The following GARNL3 variants were observed in gnomAD, a reference collection of about 807,000 sequenced individuals.
The protein encoded by GARNL3 is GTPase activating Rap/RanGAP domain like 3.
In GARNL3, 63 loss-of-function variants were observed where a neutral mutation model predicts 125.0. The observed-to-expected ratio is 0.50, with a 90% confidence interval of 0.41 to 0.62. The LOEUF (loss-of-function observed/expected upper bound fraction) is 0.62, where lower values mean the gene tolerates loss of function less well. Ranked by LOEUF, GARNL3 falls within the 20% of genes least tolerant of loss-of-function variation. The probability of loss-of-function intolerance (pLI) is 0.00; values close to 1 mark genes in which losing one functional copy is unlikely to be tolerated. For synonymous variants in GARNL3, 439 were observed against 457.5 expected (o/e 0.96, Z 0.52); for missense variants, 994 against 1,244.0 (o/e 0.80, Z 3.02).
At chr9:127,245,561 G>C (rs1269282159) in intron 2 of GARNL3, 1 of 152,252 alleles carries the variant, frequency 6.6e-6, no homozygotes, top group Admixed American at 6.5e-5. Context: ...TTAGGGACCG[G>C]ACTTGAAACC....
intron 2 of GARNL3, among the ~76,000 whole-genome samples, chr9:127,256,793 T>C (rs2063502857): frequency 1.3e-5 from 2 of 152,226 alleles, no homozygotes; most frequent in Non-Finnish European, 2.9e-5. Context: ...ATAGTAACTA[T>C]AGTACTGTAT....
intron 2 of GARNL3, among the ~76,000 whole-genome samples, chr9:127,256,410 G>A (rs887351180): frequency 5.9e-5 from 9 of 152,184 alleles, no homozygotes; most frequent in Admixed American, 2.0e-4. Context: ...TGCTACTGAC[G>A]AAGGGGATAA....
chr9:127,238,069 C>T (rs961165686), intron 1 of GARNL3, among the ~76,000 whole-genome samples: 3 of 152,222 alleles, frequency 2.0e-5, no homozygotes, highest in Non-Finnish European at 4.4e-5. Context: ...ATCAACCTGA[C>T]ATGTTCTCCC....
intron 1 of GARNL3, chr9:127,224,811 GGTGGGCGTTTT>G (rs2062868147): frequency 6.6e-6 from 1 of 151,272 alleles, no homozygotes. Flanking sequence ...TCGAGGTTAG[GGTGGGCGTTTT>G]GGGCCTGTGG....
In GARNL3 at chr9:127,320,795, T is replaced by C; in HGVS notation, c.567+17T>C. The C allele has an allele frequency of 1.3e-6, 2 of 1,519,828 alleles. No individual in the cohort carries two copies. The highest frequency in any genetic ancestry group is 1.8e-6 in the Non-Finnish European group (2 of 1,094,548). 94.1% of individuals were successfully genotyped at this position (1,519,828 alleles called of 1,614,324 possible). A position where few individuals can be genotyped will look rare whatever the true frequency, so the allele number is the denominator to read the frequency against. ...ATACAAAAGGTAACAGAAAATTTTA[T>C]GCTTCATAATTGTACAAAATTGATT... On this transcript the variant is annotated intron_variant, in intron 6 of 27. Transcript: ENST00000373387.
chr9:127,247,326 G>A (rs551001942), intron 2 of GARNL3, among the ~76,000 whole-genome samples: 1 of 152,108 alleles, frequency 6.6e-6, no homozygotes, highest in Non-Finnish European at 1.5e-5. Context: ...AATTAGCTTA[G>A]GCCAAAAAGA....
At position 127,375,000 on chromosome 9, in the gene GARNL3, G is replaced by A. The variant is rs143590135; in HGVS notation, c.2162-8438G>A. Among the ~76,000 whole-genome samples, 9 of 152,104 alleles carry A rather than the reference G, an allele frequency of 5.9e-5. No homozygotes were observed. The South Asian group carries it at 6.2e-4, about 11-fold the overall frequency. On this transcript the variant is annotated intron_variant, in intron 22 of 27. Coordinates refer to ENST00000373387, the MANE Select transcript of GARNL3 (RefSeq NM_032293.5). ...ACTATTAAATGGCTAAAATGAAAAC[G>A]ATTGCTCGTAATCAGTGTTGGTAAG...
At chr9:127,336,688 T>C (rs1829571436) in intron 11 of GARNL3, among the ~76,000 whole-genome samples, 1 of 152,180 alleles carries the variant, frequency 6.6e-6, no homozygotes, top group Non-Finnish European at 1.5e-5. Context: ...AATGATAGAA[T>C]TAATAGTATT....
intron 2 of GARNL3, among the ~76,000 whole-genome samples, chr9:127,304,958 AC>A (rs772771604): frequency 6.6e-6 from 1 of 152,218 alleles, no homozygotes; most frequent in African/African-American, 2.4e-5. Flanking sequence ...GAAAGAGTGA[AC>A]CACTGCCACA....
chr9:127,332,935 G>T lies in GARNL3; in HGVS notation c.671-88G>T. 7.7e-6 allele frequency: 7 copies of T among 908,186 alleles called. 1 individual carries two copies. In the South Asian group the frequency reaches 9.2e-5, roughly 12 times the overall value. 56.3% of individuals were successfully genotyped at this position (908,186 alleles called of 1,614,324 possible). A position where few individuals can be genotyped will look rare whatever the true frequency, so the allele number is the denominator to read the frequency against. The stretch of plus-strand genomic sequence containing the variant: ...ACCATGCATGAATCGGCAGAGCCCA[G>T]TTAATTTTCCAGCGATTCCGGTCCA... On this transcript the variant is annotated intron_variant, in intron 8 of 27. Transcript: ENST00000373387.
At chr9:127,342,526 C>T (rs1430752396) in intron 14 of GARNL3, among the ~76,000 whole-genome samples, 192 bp downstream of exon 14, 1 of 152,108 alleles carries the variant, frequency 6.6e-6, no homozygotes. Context: ...CATTGGGTTT[C>T]CATACACAGG....
intron 2 of GARNL3, chr9:127,300,615 T>C (rs2064754547): frequency 3.4e-6 from 1 of 298,220 alleles, no homozygotes; most frequent in Non-Finnish European, 6.4e-6. Context: ...CCACCACGCT[T>C]GGCTAATTTT....
At chr9:127,333,236 G>C in intron 9 of GARNL3, 115 bp downstream of exon 9, 1 of 772,546 alleles carries the variant, frequency 1.3e-6, no homozygotes, top group East Asian at 2.6e-5. Context: ...GAGAAGACTG[G>C]AGGGAGGTGA....
intron 24 of GARNL3, among the ~76,000 whole-genome samples, chr9:127,386,750 C>T (rs1228349262): frequency 3.3e-5 from 5 of 152,342 alleles, no homozygotes; most frequent in East Asian, 3.9e-4. Context: ...TTAGCAGCAG[C>T]GCCAGCGCAT....
chr9:127,390,820 A>G, intron 27 of GARNL3, 53 bp downstream of exon 27: 1 of 1,577,798 alleles, frequency 6.3e-7, no homozygotes, highest in Non-Finnish European at 8.6e-7. Context: ...GAGTCACAGC[A>G]CTGCCCAGGA....
At chr9:127,361,168 T>C (rs1399883865) in intron 21 of GARNL3, among the ~76,000 whole-genome samples, 1 of 152,216 alleles carries the variant, frequency 6.6e-6, no homozygotes, top group East Asian at 1.9e-4. Context: ...CCTACTTCAC[T>C]TGTTACAAGT....
At chr9:127,268,277 G>C (rs1176239374) in intron 1 of GARNL3, among the ~76,000 whole-genome samples, 1 of 152,200 alleles carries the variant, frequency 6.6e-6, no homozygotes, top group Non-Finnish European at 1.5e-5. Flanking sequence ...ATGAAGAACA[G>C]AGATCTGTTC....
chr9:127,312,233 T>C (rs1408532698), intron 3 of GARNL3, among the ~76,000 whole-genome samples: 1 of 152,184 alleles, frequency 6.6e-6, no homozygotes, highest in Admixed American at 6.5e-5. Flanking sequence ...TGCCAGGCAA[T>C]GTGCAGAGCA....
chr9:127,340,430 G>A lies in GARNL3; in HGVS notation c.1135+679G>A, dbSNP rs543761762. The stretch of plus-strand genomic sequence containing the variant: ...GTCATTGATCAGAAACAAGTTACTC[G>A]GGTTCATCTGCTGCAGCTTGCTAGC... On this transcript the variant is annotated intron_variant, in intron 13 of 27. Transcript: ENST00000373387. Among the ~76,000 whole-genome samples the A allele has an allele frequency of 3.3e-5, 5 of 152,144 alleles. No homozygotes were observed. The East Asian group carries it at 5.8e-4, about 18-fold the overall frequency.
Sources: allele counts gnomAD v4.1 joint callset (sites outside exome capture counted in the v4.1 genomes callset), GRCh38; gene constraint gnomAD v4.1.1; transcripts MANE v1.5; gene names NCBI Gene and HGNC (gene_info 2026-07-23, HGNC 2026-07-21).